SLC25A37: variants seen among roughly 807,000 people sequenced by gnomAD.
SLC25A37 encodes the protein mitoferrin-1.
Under a neutral mutation model 31.0 loss-of-function variants are expected in SLC25A37, and 17 were observed. The ratio of observed to expected loss-of-function variants is 0.55; its 90% CI spans 0.38 to 0.82. The LOEUF (loss-of-function observed/expected upper bound fraction) is 0.82, where lower values mean the gene tolerates loss of function less well. Among genes scored for constraint, SLC25A37 ranks in the 40% least tolerant of loss-of-function variants. SLC25A37 has a pLI of 0.00. For missense variants in SLC25A37, 404 were observed against 465.8 expected (o/e 0.87, Z 1.22); for synonymous variants, 222 against 193.0 (o/e 1.15, Z -1.24).
chr8:23,571,725 C>T lies in SLC25A37; in HGVS notation c.887C>T (p.Ala296Val). The stretch of plus-strand genomic sequence containing the variant: ...ACGGTGTACCAGCTCAACGGCCTGG[C>T]CGGCTACTTCAAAGGCATCCAGGCG... ...FRTVYQLNGL[A>V]GYFKGIQARV... The change falls in exon 4 of 4, where the codon GCC becomes GTC. Residue 296 changes from alanine (A) to valine (V), a missense_variant. Around this residue, in one of 3 missense-constraint regions of SLC25A37, gnomAD observed 243 missense variants for 284.4 expected, o/e 0.85. Transcript: ENST00000519973. 6.2e-7 allele frequency: 1 copy of T among 1,614,042 alleles called. No homozygotes were observed. Among genetic ancestry groups the T allele is most frequent in the Non-Finnish European group, 8.5e-7 (1 of 1,179,898 alleles).
intron 1 of SLC25A37, among the ~76,000 whole-genome samples, chr8:23,551,955 T>G (rs1355606811): frequency 6.6e-6 from 1 of 152,210 alleles, no homozygotes; most frequent in Non-Finnish European, 1.5e-5. Flanking sequence ...CCAACACCAG[T>G]GCCCTGTGGC....
chr8:23,570,874 G>A (rs1392680054), intron 3 of SLC25A37, among the ~76,000 whole-genome samples: 3 of 152,138 alleles, frequency 2.0e-5, no homozygotes, highest in African/African-American at 7.2e-5. Flanking sequence ...ACCATTAGAG[G>A]CACAAACCCC....
intron 1 of SLC25A37, among the ~76,000 whole-genome samples, chr8:23,562,256 C>T (rs559644273): frequency 7.9e-5 from 12 of 152,338 alleles, no homozygotes; most frequent in African/African-American, 2.9e-4. Flanking sequence ...CCCCCTGGGA[C>T]AGGTTGCCTT....
chr8:23,556,629 T>C (rs1258308566), intron 1 of SLC25A37, among the ~76,000 whole-genome samples: 1 of 152,026 alleles, frequency 6.6e-6, no homozygotes, highest in Non-Finnish European at 1.5e-5. Flanking sequence ...TATATGTGTG[T>C]ATATATGTGT....
At chr8:23,541,188 G>A (rs529583975) in intron 1 of SLC25A37, among the ~76,000 whole-genome samples, 1 of 152,142 alleles carries the variant, frequency 6.6e-6, no homozygotes, top group South Asian at 2.1e-4. Context: ...AGTAGTGGCT[G>A]CGTGTAGCAG....
chr8:23,543,242 T>C (rs143824022), intron 1 of SLC25A37: 1 of 152,116 alleles, frequency 6.6e-6, no homozygotes, highest in East Asian at 1.9e-4. Context: ...AATTTTTAAA[T>C]TGGTGTAGTG....
chr8:23,544,936 A>G (rs1801996167), intron 1 of SLC25A37, among the ~76,000 whole-genome samples: 1 of 152,202 alleles, frequency 6.6e-6, no homozygotes, highest in South Asian at 2.1e-4. Flanking sequence ...CTGTCGAACT[A>G]AGGACCCGAG....
chr8:23,551,722 A>G (rs1457864489), intron 1 of SLC25A37, among the ~76,000 whole-genome samples: 1 of 152,190 alleles, frequency 6.6e-6, no homozygotes, highest in Non-Finnish European at 1.5e-5. Flanking sequence ...AAACGGGGGC[A>G]GAGAACTGAA....
At position 23,541,267 on chromosome 8, in the gene SLC25A37, C is replaced by T. The variant is rs187192109; in HGVS notation, c.210+12055C>T. On this transcript the variant is annotated intron_variant, in intron 1 of 3. Transcript: ENST00000519973. ...GTACCCAGGGCTGTTAGTTTGAGGA[C>T]GTCTGTGGGATTTTATATCCTTACT... Among the ~76,000 whole-genome samples the T allele has an allele frequency of 6.4e-4, 97 of 152,314 alleles. 1 individual carries two copies. In the South Asian group the frequency reaches 8.5e-3, roughly 13 times the overall value.
chr8:23,563,905 T>G (rs1389896975), intron 1 of SLC25A37, among the ~76,000 whole-genome samples: 1 of 151,992 alleles, frequency 6.6e-6, no homozygotes, highest in East Asian at 1.9e-4. Flanking sequence ...CGCTTGAACG[T>G]GGCAGGCGGA....
At chr8:23,567,213 C>CT (rs1802687884) in intron 2 of SLC25A37, 1 of 152,160 alleles carries the variant, frequency 6.6e-6, no homozygotes, top group Admixed American at 6.5e-5. Flanking sequence ...CTCCCCCTCT[C>CT]TTTTTACTCT....
At chr8:23,548,121 C>T (rs1392354168) in intron 1 of SLC25A37, among the ~76,000 whole-genome samples, 1 of 152,202 alleles carries the variant, frequency 6.6e-6, no homozygotes, top group African/African-American at 2.4e-5. Context: ...TTTGCATTTC[C>T]TGTAGATTTC....
intron 1 of SLC25A37, among the ~76,000 whole-genome samples, chr8:23,543,660 G>A (rs546951408): frequency 2.3e-4 from 35 of 152,090 alleles, no homozygotes; most frequent in Non-Finnish European, 4.7e-4. Flanking sequence ...CCAGCTTCCC[G>A]AGTTGCTGGG....
At chr8:23,538,215 T>C (rs62503286) in intron 1 of SLC25A37, among the ~76,000 whole-genome samples, 4,125 of 151,308 alleles carry the variant, frequency 0.027, 133 homozygotes, top group Admixed American at 0.089. Flanking sequence ...ACCCCGTCTC[T>C]ACTAAAAATA....
Position 23,566,604 on chromosome 8 carries a change from G to A in SLC25A37, c.439+268G>A, listed in dbSNP as rs1802667222. 19 of 1,158,774 alleles carry A rather than the reference G, an allele frequency of 1.6e-5. No individual in the cohort carries two copies. The South Asian group carries it at 3.3e-4, about 20-fold the overall frequency. 71.8% of individuals were successfully genotyped at this position (1,158,774 alleles called of 1,614,324 possible). ...GTGTTTTGGTTTTATTGTTATGTGG[G>A]TTTTCTTTTGTATTTTTTTTTGTTT... On this transcript the variant is annotated intron_variant, in intron 2 of 3. Transcript: ENST00000519973.
chr8:23,537,627 C>T (rs1426896681), intron 1 of SLC25A37, among the ~76,000 whole-genome samples: 1 of 152,144 alleles, frequency 6.6e-6, no homozygotes, highest in Non-Finnish European at 1.5e-5. Flanking sequence ...CCTTGCAGGT[C>T]GTTTTAGTGC....
intron 1 of SLC25A37, among the ~76,000 whole-genome samples, chr8:23,552,670 C>T (rs1022797477): frequency 2.9e-4 from 44 of 152,158 alleles, no homozygotes; most frequent in African/African-American, 1.0e-3. Flanking sequence ...CCAGAACGTA[C>T]GTTACTTATG....
intron 1 of SLC25A37, among the ~76,000 whole-genome samples, chr8:23,532,452 C>T (rs1219081751): frequency 6.6e-6 from 1 of 152,102 alleles, no homozygotes; most frequent in Admixed American, 6.5e-5. Context: ...ATACAAGAAC[C>T]CCTGGTCTGA....
intron 1 of SLC25A37, among the ~76,000 whole-genome samples, chr8:23,550,524 T>A (rs1802195475): frequency 6.6e-6 from 1 of 152,214 alleles, no homozygotes; most frequent in Admixed American, 6.5e-5. Context: ...GCCAAGGGCG[T>A]GGGAACTGCA....
Sources: allele counts gnomAD v4.1 joint callset (sites outside exome capture counted in the v4.1 genomes callset), GRCh38; gene constraint gnomAD v4.1.1; regional missense constraint gnomAD v4.1.1; transcripts MANE v1.5; gene names NCBI Gene and HGNC (gene_info 2026-07-23, HGNC 2026-07-21).